The following FOXP2 variants were observed in gnomAD, a reference collection of about 807,000 sequenced individuals.
FOXP2 encodes the protein forkhead box protein P2.
A neutral mutation model predicts 115.8 loss-of-function variants in FOXP2; 12 were observed. The ratio of observed to expected loss-of-function variants is 0.10; its 90% CI spans 0.07 to 0.17. The LOEUF (loss-of-function observed/expected upper bound fraction) is 0.17. Among genes scored for constraint, FOXP2 ranks in the 10% least tolerant of loss-of-function variants. The pLI is 1.00. For missense variants in FOXP2, 629 were observed against 843.5 expected, an observed-to-expected ratio of 0.75 and a Z score of 3.15; for synonymous variants, 328 against 297.7, an observed-to-expected ratio of 1.10 and a Z score of -1.05.
At chr7:114,410,828 G>A (rs1406823030), upstream of FOXP2, among the ~76,000 whole-genome samples, 1 of 151,710 alleles carries the variant, frequency 6.6e-6, no homozygotes, top group African/African-American at 2.4e-5. Context: ...CAATAATACT[G>A]TTGGAGTGTA....
chr7:114,529,877 A>G (rs1165061752), intron 2 of FOXP2, among the ~76,000 whole-genome samples: 3 of 151,904 alleles, frequency 2.0e-5, no homozygotes, highest in Non-Finnish European at 4.4e-5. Flanking sequence ...CAGAATACGA[A>G]TTTATATCCT....
At chr7:114,158,111 GAAA>G (rs371516727), upstream of FOXP2, among the ~76,000 whole-genome samples, 7 of 152,054 alleles carry the variant, frequency 4.6e-5, no homozygotes, top group African/African-American at 1.4e-4. Flanking sequence ...AAAAGAGGAT[GAAA>G]AATTGCATTT....
chr7:114,676,593 G>A (rs1373311765), intron 16 of FOXP2, among the ~76,000 whole-genome samples: 2 of 152,142 alleles, frequency 1.3e-5, no homozygotes, highest in African/African-American at 4.8e-5. Flanking sequence ...TACTATAGAA[G>A]TATGTTATAA....
At chr7:114,277,458 A>T (rs1273145484) in intron 1 of FOXP2, among the ~76,000 whole-genome samples, 2 of 152,058 alleles carry the variant, frequency 1.3e-5, no homozygotes, top group Non-Finnish European at 2.9e-5. Context: ...GACAGCTCCT[A>T]GCATAGTGCT....
intron 2 of FOXP2, among the ~76,000 whole-genome samples, chr7:114,478,310 T>G (rs774590045): frequency 2.0e-5 from 3 of 151,778 alleles, no homozygotes; most frequent in African/African-American, 4.8e-5. Context: ...ATCAAAGTAT[T>G]TATTGCTTGT....
At chr7:114,685,981 T>TA (rs955554068) in intron 16 of FOXP2, among the ~76,000 whole-genome samples, 37 of 148,814 alleles carry the variant, frequency 2.5e-4, no homozygotes, top group East Asian at 3.9e-4. Flanking sequence ...TTTTTTTTTT[T>TA]AAAAAAAAAG....
intron 2 of FOXP2, among the ~76,000 whole-genome samples, chr7:114,490,814 GTC>G (rs1797009467): frequency 6.6e-6 from 1 of 152,090 alleles, no homozygotes; most frequent in South Asian, 2.1e-4. Flanking sequence ...CTTCATCCAT[GTC>G]CCTACAAAGG....
intron 1 of FOXP2, among the ~76,000 whole-genome samples, chr7:114,221,675 T>G (rs1237080576): frequency 6.6e-6 from 1 of 152,180 alleles, no homozygotes; most frequent in Non-Finnish European, 1.5e-5. Flanking sequence ...ATTTCAGAAG[T>G]GGAATTTTCT....
chr7:114,123,126 G>A (rs952176730), intron 1 of FOXP2, among the ~76,000 whole-genome samples: 4 of 151,916 alleles, frequency 2.6e-5, no homozygotes, highest in African/African-American at 7.2e-5. Flanking sequence ...TGAGAAAGGG[G>A]GATAGCTTGA....
chr7:114,544,216 C>A (rs879695394), intron 3 of FOXP2, among the ~76,000 whole-genome samples: 1 of 152,028 alleles, frequency 6.6e-6, no homozygotes, highest in Admixed American at 6.6e-5. Context: ...AGACCTCTCA[C>A]AAATATTGAG....
At chr7:114,174,575 A>AT (rs1337689401) in intron 1 of FOXP2, among the ~76,000 whole-genome samples, 1 of 151,940 alleles carries the variant, frequency 6.6e-6, no homozygotes, top group Non-Finnish European at 1.5e-5. Context: ...CTCCATCTTG[A>AT]TTAGTGTTCA....
intron 1 of FOXP2, among the ~76,000 whole-genome samples, chr7:114,222,268 A>G (rs1371223080): frequency 6.6e-6 from 1 of 152,102 alleles, no homozygotes; most frequent in Non-Finnish European, 1.5e-5. Flanking sequence ...CAATCCTCCC[A>G]TCTCAGTCTC....
chr7:114,488,519 A>G (rs1203284382), intron 2 of FOXP2, among the ~76,000 whole-genome samples: 1 of 152,212 alleles, frequency 6.6e-6, no homozygotes, highest in East Asian at 1.9e-4. Flanking sequence ...TGTGATCCAT[A>G]GAGACCACAG....
In FOXP2 at chr7:114,642,513, T is replaced by C. The variant is rs759878344; in HGVS notation, c.879T>C (p.Thr293=). The C allele has an allele frequency of 3.1e-6, 5 of 1,613,894 alleles. No individual in the cohort carries two copies. Among genetic ancestry groups the C allele is most frequent in the South Asian group, 2.2e-5 (2 of 91,074 alleles). Reference sequence around the variant, plus strand: ...AACATGGAGGGCTAGACCTCACTACTAACAATTCCTCCTCGACTACCTCCT... The same window carrying C: ...AACATGGAGGGCTAGACCTCACTACCAACAATTCCTCCTCGACTACCTCCT... The part of the protein sequence containing the change: ...GIKHGGLDLT[T]NNSSSTTSSN... The change falls in exon 7 of 17, where the codon ACT becomes ACC. Residue 293 remains threonine (T), a synonymous_variant. Transcript: ENST00000350908.
Position 114,365,640 on chromosome 7 carries a change from T to C in FOXP2, c.-10-60862T>C, listed in dbSNP as rs185173581. 2.7e-3 allele frequency among the ~76,000 whole-genome samples: 418 copies of C among 152,208 alleles called. 3 individuals are homozygous for C. The highest frequency in any genetic ancestry group is 9.7e-3 in the African/African-American group (404 of 41,558). ...TCTCTAAAAGACCATTTCAAACCAC[T>C]AGAGTCTAACAATAGCCCTTTACTA... On this transcript the variant is annotated intron_variant, in intron 2 of 17. Coordinates refer to the FOXP2 transcript ENST00000634411.
chr7:114,587,879 A>ATATATATATATATATATATATATATATAT lies in FOXP2; in HGVS notation c.259-40661_259-40660insTATATATATATATATATATATATATATAT. Among the ~76,000 whole-genome samples the ATATATATATATATATATATATATATATAT allele has an allele frequency of 9.8e-4, 75 of 76,614 alleles. 7 individuals carry two copies. The highest frequency in any genetic ancestry group is 2.7e-3 in the East Asian group (4 of 1,496). 50.3% of individuals were successfully genotyped at this position (76,614 alleles called of 152,430 possible). A position where few individuals can be genotyped will look rare whatever the true frequency, so the allele number is the denominator to read the frequency against. The stretch of plus-strand genomic sequence containing the variant: ...CTAATTGGGTGAATAAGAGATAATT[A>ATATATATATATATATATATATATATATAT]AATCCACCTTTCTTAGTGCCTTATT... On this transcript the variant is annotated intron_variant, in intron 3 of 16. Transcript: ENST00000350908.
chr7:114,633,981 T>G (rs1266348876), intron 6 of FOXP2, among the ~76,000 whole-genome samples: 1 of 152,056 alleles, frequency 6.6e-6, no homozygotes, highest in African/African-American at 2.4e-5. Flanking sequence ...ATGTTCTCAT[T>G]GTGTCTTTAA....
In FOXP2 at chr7:114,099,041, G is replaced by A. The variant is rs1313654106; in HGVS notation, c.-247+11203G>A. On this transcript the variant is annotated intron_variant, in intron 1 of 19. Transcript: ENST00000635638. ...TCCCAGCTACTCAGGAGGCTGGGGT[G>A]GGAGGATCGCTTAAGCCCAGGAGGT... is the stretch of plus-strand genomic sequence containing the variant. Among the ~76,000 whole-genome samples the A allele has an allele frequency of 3.3e-5, 5 of 152,050 alleles. No individual in the cohort carries two copies. The East Asian group carries it at 9.7e-4, about 29-fold the overall frequency.
intron 2 of FOXP2, chr7:114,463,215 C>T (rs1795657137): frequency 4.4e-6 from 1 of 227,088 alleles, no homozygotes; most frequent in Non-Finnish European, 9.3e-6. Flanking sequence ...ATTTATATAT[C>T]CACCTGTTAA....
Sources: gnomAD v4.1 joint callset for allele counts (sites outside exome capture counted in the v4.1 genomes callset) on GRCh38, gnomAD v4.1.1 for gene constraint, MANE v1.5 for transcripts, NCBI Gene and HGNC (gene_info 2026-07-23, HGNC 2026-07-21) for gene names.